LARP4B: variants seen among roughly 807,000 people sequenced by gnomAD.
LARP4B encodes the protein La ribonucleoprotein 4B, also known as la-related protein 4B.
A neutral mutation model predicts 89.8 loss-of-function variants in LARP4B; 12 were observed. That is an observed-to-expected ratio of 0.13 (90% confidence interval 0.09 to 0.22). The LOEUF is 0.22. Among genes scored for constraint, LARP4B ranks in the 10% least tolerant of loss-of-function variants. The pLI is 1.00. For synonymous variants in LARP4B, 367 were observed against 363.3 expected, an observed-to-expected ratio of 1.01 and a Z score of -0.12; for missense variants, 757 against 947.7, an observed-to-expected ratio of 0.80 and a Z score of 2.64.
rs150067638 is a variant in LARP4B at position 842,976 on chromosome 10, T to C, written c.602A>G (p.Lys201Arg). 709 of 1,614,180 alleles carry C rather than the reference T, an allele frequency of 4.4e-4. No homozygotes were observed. The highest frequency in any genetic ancestry group is 5.9e-4 in the Non-Finnish European group (691 of 1,179,974). ...CAAGTCCACATCAGTGCTGAGCTTC[T>C]TGATGTGGTCGAGGTTAGCCACCGT... ...ITTVANLDHI[K>R]KLSTDVDLIV... is the part of the protein sequence containing the mutation. The change falls in exon 7 of 18, where the codon AAG becomes AGG. Residue 201 changes from lysine (K) to arginine (R), a missense_variant. Lys to Arg is a conservative substitution (Grantham distance 26). Around this residue, in one of 5 missense-constraint regions of LARP4B, gnomAD observed 54 missense variants for 96.0 expected, o/e 0.56. Coordinates refer to ENST00000316157, the MANE Select transcript of LARP4B (RefSeq NM_015155.3).
intron 3 of LARP4B, chr10:872,947 C>G: frequency 1.2e-6 from 1 of 860,588 alleles, no homozygotes; most frequent in South Asian, 5.3e-5. Context: ...AAATCCTTGT[C>G]CGCGCGCTAA....
At chr10:827,174 G>A (rs2131644450) in intron 11 of LARP4B, among the ~76,000 whole-genome samples, 1 of 152,240 alleles carries the variant, frequency 6.6e-6, no homozygotes, top group South Asian at 2.1e-4. Context: ...TACTCAAGAG[G>A]CTGAGGCAGG....
intron 1 of LARP4B, among the ~76,000 whole-genome samples, chr10:904,547 G>A (rs1350997631): frequency 1.3e-5 from 2 of 151,396 alleles, no homozygotes; most frequent in Non-Finnish European, 2.9e-5. Flanking sequence ...GGCAACAGAG[G>A]AAGACTGTCT....
intron 1 of LARP4B, among the ~76,000 whole-genome samples, chr10:893,369 A>G (rs1836094181): frequency 6.6e-6 from 1 of 152,240 alleles, no homozygotes; most frequent in South Asian, 2.1e-4. Flanking sequence ...GAATTTCCTT[A>G]ATGTTAGGTA....
chr10:968,516 G>A, the LARP4B span, among the ~76,000 whole-genome samples: 2 of 152,064 alleles, frequency 1.3e-5, no homozygotes, highest in African/African-American at 2.4e-5. Context: ...CTTGACTATC[G>A]CCGCAGAAAG....
the LARP4B span, among the ~76,000 whole-genome samples, chr10:949,963 T>C: frequency 2.6e-5 from 4 of 152,230 alleles, no homozygotes; most frequent in African/African-American, 9.6e-5. Context: ...TTCTGTATAG[T>C]TGAGGTTTTG....
chr10:817,140 G>A (rs537731126), intron 15 of LARP4B, among the ~76,000 whole-genome samples: 8 of 152,264 alleles, frequency 5.3e-5, no homozygotes, highest in East Asian at 3.9e-4. Flanking sequence ...TGTGGCAGCC[G>A]GCCAAGTCCC....
chr10:885,560 G>C, intron 2 of LARP4B, 81 bp downstream of exon 2: 1 of 963,024 alleles, frequency 1.0e-6, no homozygotes, highest in Non-Finnish European at 1.6e-6. Context: ...TTCCTGTTTA[G>C]AACTCCTTAC....
intron 3 of LARP4B, among the ~76,000 whole-genome samples, chr10:865,356 G>A (rs551311039): frequency 6.6e-6 from 1 of 152,274 alleles, no homozygotes; most frequent in Admixed American, 6.5e-5. Flanking sequence ...TGACAGTCAC[G>A]CATGCTCAGT....
intron 6 of LARP4B, among the ~76,000 whole-genome samples, chr10:844,620 G>A (rs1185431371): frequency 6.6e-6 from 1 of 152,092 alleles, no homozygotes; most frequent in African/African-American, 2.4e-5. Flanking sequence ...AAAAATGAGT[G>A]TTATATAAAT....
At position 863,812 on chromosome 10, in the gene LARP4B, G is replaced by A. The variant is rs764628358; in HGVS notation, c.361C>T (p.Pro121Ser). The change falls in exon 5 of 18, where the codon CCA becomes TCA. Residue 121 changes from proline (P) to serine (S), a missense_variant. Physicochemically the swap from Pro to Ser is moderately conservative, Grantham distance 74. Coordinates refer to ENST00000316157, the MANE Select transcript of LARP4B (RefSeq NM_015155.3). ...AALPDPQESD[P>S]ADMNALALGP... is the part of the protein sequence containing the mutation. ...AGAGCGAGAGCGTTCATGTCTGCTGGGTCCGACTCCTGCGGGTCTGGCAAT... is the reference window on the plus strand; with the variant it reads ...AGAGCGAGAGCGTTCATGTCTGCTGAGTCCGACTCCTGCGGGTCTGGCAAT... 1.2e-6 allele frequency: 2 copies of A among 1,614,122 alleles called. No individual in the cohort carries two copies. Among genetic ancestry groups the A allele is most frequent in the South Asian group, 1.1e-5 (1 of 91,074 alleles).
At chr10:946,458 A>G in the LARP4B span, among the ~76,000 whole-genome samples, 1 of 152,260 alleles carries the variant, frequency 6.6e-6, no homozygotes, top group Non-Finnish European at 1.5e-5. Flanking sequence ...GGATGTAGAA[A>G]GGTAAGCAAG....
chr10:929,016 TG>T (rs542164501), intron 1 of LARP4B, among the ~76,000 whole-genome samples: 35 of 152,234 alleles, frequency 2.3e-4, no homozygotes, highest in Non-Finnish European at 4.3e-4. Context: ...CTTTTAAAAA[TG>T]GCAATCTTCC....
At chr10:885,530 G>A in intron 2 of LARP4B, 111 bp downstream of exon 2, 1 of 684,450 alleles carries the variant, frequency 1.5e-6, no homozygotes, top group Non-Finnish European at 2.5e-6. Context: ...TCTGTATGCA[G>A]ATCCTAAGAT....
chr10:918,736 G>A (rs1836895496), intron 1 of LARP4B, among the ~76,000 whole-genome samples: 1 of 150,812 alleles, frequency 6.6e-6, no homozygotes, highest in African/African-American at 2.4e-5. Context: ...CGGAAATGTA[G>A]ATAACTTTAC....
chr10:976,160 G>A, the LARP4B span, among the ~76,000 whole-genome samples: 1 of 150,764 alleles, frequency 6.6e-6, no homozygotes, highest in East Asian at 2.0e-4. Flanking sequence ...GTCGCGTAAG[G>A]TGCGGCCCGC....
At chr10:929,011 A>G (rs576992229) in intron 1 of LARP4B, among the ~76,000 whole-genome samples, 8 of 152,370 alleles carry the variant, frequency 5.3e-5, no homozygotes, top group Admixed American at 5.2e-4. Flanking sequence ...TCTCACTTTT[A>G]AAAATGGCAA....
chr10:833,260 A>AAC (rs1564391959), intron 8 of LARP4B, among the ~76,000 whole-genome samples: 4 of 130,684 alleles, frequency 3.1e-5, no homozygotes, highest in African/African-American at 1.1e-4. Context: ...AAAAAAAAAA[A>AAC]AAAAAAAAAA....
chr10:809,551 G>A lies in LARP4B; in HGVS notation c.*3375C>T, dbSNP rs1202229800. On this transcript the variant is annotated 3_prime_UTR_variant, in exon 18 of 18. Coordinates refer to ENST00000316157, the MANE Select transcript of LARP4B (RefSeq NM_015155.3). ...AAAATCAAAAGAAAAATTGAACAGT[G>A]CCTAAATCTTTATTTTCATAACCTA... 6.6e-6 allele frequency: 1 copy of A among 152,216 alleles called. No individual in the cohort carries two copies. The highest frequency in any genetic ancestry group is 1.9e-4 in the East Asian group (1 of 5,192). 9.4% of individuals were successfully genotyped at this position (152,216 alleles called of 1,614,324 possible).
Sources: allele counts gnomAD v4.1 joint callset (sites outside exome capture counted in the v4.1 genomes callset), GRCh38; gene constraint gnomAD v4.1.1; regional missense constraint gnomAD v4.1.1; transcripts MANE v1.5; gene names NCBI Gene and HGNC (gene_info 2026-07-23, HGNC 2026-07-21).